Variants in GAS6 observed in about 807,000 individuals in gnomAD.
GAS6 encodes the protein growth arrest specific 6, also known as growth arrest-specific protein 6.
In GAS6, 41 loss-of-function variants were observed where a neutral mutation model predicts 75.8. The ratio of observed to expected loss-of-function variants is 0.54; its 90% CI spans 0.42 to 0.70. The LOEUF (loss-of-function observed/expected upper bound fraction) is 0.70, where lower values mean the gene tolerates loss of function less well. Ranked by LOEUF, GAS6 falls within the 30% of genes least tolerant of loss-of-function variation. GAS6 has a pLI of 0.00. For synonymous variants in GAS6, 432 were observed against 412.6 expected (o/e 1.05, Z -0.57); for missense variants, 854 against 940.2 (o/e 0.91, Z 1.20).
intron 5 of GAS6, chr13:113,839,444 C>T (rs1043134944): frequency 2.8e-6 from 1 of 362,622 alleles, no homozygotes; most frequent in East Asian, 5.4e-5. Flanking sequence ...CACAGGTCTG[C>T]ACTCAAGGAC....
rs569021446 is a variant in GAS6, at chr13:113,823,556, A to G, written c.1478-6T>C. 8.1e-5 allele frequency: 130 copies of G among 1,607,236 alleles called. No individual in the cohort carries two copies. The highest frequency in any genetic ancestry group is 1.0e-4 in the Non-Finnish European group (121 of 1,176,218). On this transcript the variant is annotated splice_polypyrimidine_tract_variant and splice_region_variant and intron_variant, in intron 12 of 14. Coordinates refer to ENST00000327773, the MANE Select transcript of GAS6 (RefSeq NM_000820.4). ...GACGTCCAGAGGGGTCCGCACTGCA[A>G]TGAAAGCGGTGCATTATAGGGTGGT...
chr13:113,860,769 A>G (rs2051964892), intron 2 of GAS6, among the ~76,000 whole-genome samples: 1 of 152,168 alleles, frequency 6.6e-6, no homozygotes, highest in African/African-American at 2.4e-5. Context: ...CGGCTCCAGC[A>G]GAGAGGGCTG....
intron 10 of GAS6, among the ~76,000 whole-genome samples, chr13:113,830,863 G>C (rs991874901): frequency 3.3e-5 from 5 of 151,634 alleles, no homozygotes; most frequent in African/African-American, 9.7e-5. Context: ...CCTCCTCCCC[G>C]GGGCTCCATC....
rs77222558 is a variant in GAS6 at position 113,824,384 on chromosome 13, G to A, written c.1478-834C>T. On this transcript the variant is annotated intron_variant, in intron 12 of 14. Coordinates refer to ENST00000327773, the MANE Select transcript of GAS6 (RefSeq NM_000820.4). ...CTGGGGTCTGAGCTGTCAGGAGCAC[G>A]CGCGGTCTGGGGTCTGAGCTGTCAG... Among the ~76,000 whole-genome samples, 6 of 64,676 alleles carry A rather than the reference G, an allele frequency of 9.3e-5. 2 individuals are homozygous for A. Among genetic ancestry groups the A allele is most frequent in the Non-Finnish European group, 1.6e-4 (6 of 36,924 alleles). 42.4% of individuals were successfully genotyped at this position (64,676 alleles called of 152,430 possible).
At chr13:113,859,497 T>C (rs994214365) in intron 2 of GAS6, among the ~76,000 whole-genome samples, 1 of 152,100 alleles carries the variant, frequency 6.6e-6, no homozygotes, top group Non-Finnish European at 1.5e-5. Context: ...TGTACATGTC[T>C]GTTAGTATGT....
chr13:113,838,289 A>C, intron 5 of GAS6, 98 bp from the exon 6 acceptor site: 1 of 1,484,478 alleles, frequency 6.7e-7, no homozygotes, highest in Non-Finnish European at 9.2e-7. Context: ...GCCCTGGAGC[A>C]GGGAGGGAGC....
At chr13:113,828,245 C>T (rs973637297) in intron 11 of GAS6, among the ~76,000 whole-genome samples, 1 of 151,744 alleles carries the variant, frequency 6.6e-6, no homozygotes, top group African/African-American at 2.4e-5. Context: ...GCCTGGGCAA[C>T]AGAGCAAGAC....
chr13:113,856,367 A>G (rs2051914189), intron 2 of GAS6, among the ~76,000 whole-genome samples: 1 of 152,208 alleles, frequency 6.6e-6, no homozygotes, highest in East Asian at 1.9e-4. Flanking sequence ...TGCCCAGGAC[A>G]CACTGTAGCC....
chr13:113,821,849 T>A, intron 14 of GAS6, 109 bp downstream of exon 14: 1 of 837,690 alleles, frequency 1.2e-6, no homozygotes, highest in South Asian at 1.9e-5. Context: ...CAAGTCCTCT[T>A]CCGCATTCAC....
chr13:113,841,578 C>T (rs2051778702), intron 4 of GAS6: 1 of 163,584 alleles, frequency 6.1e-6, no homozygotes, highest in Admixed American at 6.5e-5. Context: ...ACAGTTTCCT[C>T]CATACGCCCC....
chr13:113,825,385 G>A (rs1478135070), intron 12 of GAS6, among the ~76,000 whole-genome samples: 2 of 152,140 alleles, frequency 1.3e-5, no homozygotes, highest in African/African-American at 2.4e-5. Flanking sequence ...GCACAGACCC[G>A]GAGATCTGCA....
At chr13:113,847,245 A>G (rs900381123) in intron 3 of GAS6, among the ~76,000 whole-genome samples, 6 of 152,246 alleles carry the variant, frequency 3.9e-5, no homozygotes, top group African/African-American at 1.4e-4. Flanking sequence ...CCCCTGCTTC[A>G]GAACTCAGTC....
At chr13:113,859,994 C>A (rs1438700676) in intron 2 of GAS6, among the ~76,000 whole-genome samples, 4 of 152,214 alleles carry the variant, frequency 2.6e-5, no homozygotes, top group African/African-American at 9.7e-5. Flanking sequence ...CCAGCTGTTC[C>A]CAAAGAATCC....
At position 113,835,644 on chromosome 13, in the gene GAS6, A is replaced by C. The variant is rs79923391; in HGVS notation, c.590-9T>G. ...TGCGCACTCGTCTATGTCTGCAAGC[A>C]AAAAAAAACCGGCCAACCGCAGCAC... On this transcript the variant is annotated splice_polypyrimidine_tract_variant and intron_variant, in intron 6 of 14. Coordinates refer to ENST00000327773, the MANE Select transcript of GAS6 (RefSeq NM_000820.4). 7.6e-6 allele frequency: 12 copies of C among 1,588,906 alleles called. No homozygotes were observed. Among genetic ancestry groups the C allele is most frequent in the Non-Finnish European group, 1.0e-5 (12 of 1,167,868 alleles).
chr13:113,825,726 G>A (rs1177569724), intron 12 of GAS6, among the ~76,000 whole-genome samples: 2 of 152,248 alleles, frequency 1.3e-5, no homozygotes, highest in African/African-American at 4.8e-5. Context: ...AATCAAGACT[G>A]AGGGAGAACG....
chr13:113,821,568 G>A (rs1034668865), intron 14 of GAS6: 47 of 254,752 alleles, frequency 1.8e-4, no homozygotes, highest in African/African-American at 9.7e-4. Flanking sequence ...CATGGGAGGG[G>A]CTGGCGGTCA....
intron 2 of GAS6, among the ~76,000 whole-genome samples, chr13:113,862,570 AC>A (rs2051980948): frequency 6.6e-6 from 1 of 152,226 alleles, no homozygotes; most frequent in Non-Finnish European, 1.5e-5. Flanking sequence ...CCCCCGGGCA[AC>A]AGCCCCAGGT....
Position 113,822,118 on chromosome 13 carries a change from C to T in GAS6, c.1722G>A (p.Glu574=), listed in dbSNP as rs766320081. The T allele has an allele frequency of 8.7e-6, 14 of 1,601,082 alleles. No individual in the cohort carries two copies. The highest frequency in any genetic ancestry group is 1.3e-5 in the African/African-American group (1 of 74,886). Residue 574 remains glutamate, a synonymous_variant, in exon 14 of 15, where the codon GAG becomes GAA. Transcript: ENST00000327773. ...CCCTCAGCGAGACGGTGACCACGTG[C>T]TCTTGGCCGTCGCAGACCTTGATCT... ...LMEIKVCDGQ[E]HVVTVSLRDG... is the part of the protein sequence containing the mutation.
In GAS6 at chr13:113,820,735, A is replaced by T; in HGVS notation, c.*129T>A. On this transcript the variant is annotated 3_prime_UTR_variant, in exon 15 of 15. Transcript: ENST00000327773. ...CAAGTCCATCTCACTATTTACAGAT[A>T]TGTTACAGGCCGGGATGGTCACAGA... The T allele has an allele frequency of 1.9e-6, 2 of 1,079,830 alleles. No homozygotes were observed. Among genetic ancestry groups the T allele is most frequent in the Non-Finnish European group, 2.6e-6 (2 of 772,918 alleles). The allele number at this position is 1,079,830 out of a possible 1,614,324, so 66.9% of individuals were successfully genotyped here.
Sources: gnomAD v4.1 joint callset for allele counts (sites outside exome capture counted in the v4.1 genomes callset) on GRCh38, gnomAD v4.1.1 for gene constraint, MANE v1.5 for transcripts, NCBI Gene and HGNC (gene_info 2026-07-23, HGNC 2026-07-21) for gene names.